The following COQ3 variants were observed in gnomAD, a reference collection of about 807,000 sequenced individuals.
The protein encoded by COQ3 is ubiquinone biosynthesis O-methyltransferase, mitochondrial.
Under a neutral mutation model 33.1 loss-of-function variants are expected in COQ3, and 29 were observed. That is an observed-to-expected ratio of 0.88 (90% CI 0.65 to 1.19). The LOEUF is 1.19. COQ3 is among the 50% of genes most tolerant of loss of function. COQ3 has a pLI of 0.00. For synonymous variants in COQ3, 173 were observed against 157.8 expected (o/e 1.10, Z -0.72); for missense variants, 437 against 430.7 (o/e 1.01, Z -0.13).
intron 1 of COQ3, among the ~76,000 whole-genome samples, chr6:99,388,732 G>A (rs1048150314): frequency 3.3e-5 from 5 of 151,544 alleles, no homozygotes; most frequent in Admixed American, 1.3e-4. Flanking sequence ...CCTGTAATAC[G>A]AGCTACTCAG....
chr6:99,389,283 C>T lies in COQ3; in HGVS notation c.106+4791G>A, dbSNP rs562294839. Among the ~76,000 whole-genome samples the T allele has an allele frequency of 5.3e-5, 8 of 152,140 alleles. No homozygotes were observed. The South Asian group carries it at 1.7e-3, about 32-fold the overall frequency. On this transcript the variant is annotated intron_variant, in intron 1 of 6. Coordinates refer to ENST00000254759, the MANE Select transcript of COQ3 (RefSeq NM_017421.4). ...ACTACAGGTGCACACGCCACCATGC[C>T]CGGCTAACTTTTTGTATTTTTAGTA...
intron 1 of COQ3, among the ~76,000 whole-genome samples, chr6:99,392,249 C>A (rs1774852086): frequency 6.6e-6 from 1 of 152,148 alleles, no homozygotes; most frequent in Admixed American, 6.5e-5. Context: ...AAACAGGTGA[C>A]AGACTTTTAC....
At chr6:99,387,481 A>G (rs977830411) in intron 1 of COQ3, among the ~76,000 whole-genome samples, 1 of 152,200 alleles carries the variant, frequency 6.6e-6, no homozygotes, top group South Asian at 2.1e-4. Flanking sequence ...AAAAACCAAA[A>G]CAAAACAAAT....
intron 1 of COQ3, 101 bp downstream of exon 1, chr6:99,393,973 C>T (rs888820814): frequency 1.1e-6 from 1 of 942,222 alleles, no homozygotes; most frequent in Non-Finnish European, 1.7e-6. Flanking sequence ...TGACCCCTCG[C>T]GAGGTCCAGA....
Position 99,393,990 on chromosome 6 carries a change from C to G in COQ3, c.106+84G>C, listed in dbSNP as rs552816982. The G allele has an allele frequency of 2.5e-6, 3 of 1,182,118 alleles. No individual in the cohort carries two copies. The East Asian group carries it at 7.1e-5, about 28-fold the overall frequency. 73.2% of individuals were successfully genotyped at this position (1,182,118 alleles called of 1,614,324 possible). On this transcript the variant is annotated intron_variant, in intron 1 of 6. Transcript: ENST00000254759. ...ACCCCTCGCGAGGTCCAGAGACAAC[C>G]CACCGCCCCACCCCCGGCGCATGCG...
At chr6:99,380,995 C>T (rs1266340372) in intron 2 of COQ3, among the ~76,000 whole-genome samples, 1 of 152,134 alleles carries the variant, frequency 6.6e-6, no homozygotes, top group Non-Finnish European at 1.5e-5. Flanking sequence ...ACATATATTA[C>T]CTCACTTAAT....
At chr6:99,375,550 A>T (rs983527324) in intron 5 of COQ3, among the ~76,000 whole-genome samples, 6 of 151,672 alleles carry the variant, frequency 4.0e-5, no homozygotes, top group African/African-American at 1.5e-4. Flanking sequence ...TGTCCAGCTA[A>T]TTTTTTCTAT....
chr6:99,391,808 G>A (rs1323118792), intron 1 of COQ3, among the ~76,000 whole-genome samples: 1 of 152,090 alleles, frequency 6.6e-6, no homozygotes, highest in African/African-American at 2.4e-5. Flanking sequence ...AGACCAGCCT[G>A]GACAATGTGG....
intron 1 of COQ3, 68 bp downstream of exon 1, chr6:99,394,006 G>A (rs1774903459): frequency 7.7e-7 from 1 of 1,294,144 alleles, no homozygotes; most frequent in Admixed American, 1.7e-5. Context: ...CCCCACCCCC[G>A]GCGCATGCGC....
chr6:99,374,711 T>C (rs1203757637), intron 5 of COQ3, among the ~76,000 whole-genome samples: 1 of 152,172 alleles, frequency 6.6e-6, no homozygotes. Context: ...TGGAGTCAAA[T>C]GGTCTGGCCT....
At position 99,383,807 on chromosome 6, in the gene COQ3, G is replaced by A. The variant is rs754883278; in HGVS notation, c.124C>T (p.Leu42Phe). 5.7e-6 allele frequency: 9 copies of A among 1,577,020 alleles called. No individual in the cohort carries two copies. Among genetic ancestry groups the A allele is most frequent in the Non-Finnish European group, 7.7e-6 (9 of 1,167,754 alleles). Reference protein sequence around the residue: ...ISSAVYVKNQLSGTLQIKPGV... With the variant: ...ISSAVYVKNQFSGTLQIKPGV... The stretch of plus-strand genomic sequence containing the variant: ...GGTTTAATCTGTAGAGTCCCACTGA[G>A]CTGGTTCTTCACATAAACTGAAAAA... The change falls in exon 2 of 7, where the codon CTC (leucine) becomes TTC (phenylalanine). Residue 42 changes from leucine (L) to phenylalanine (F), a missense_variant. Transcript: ENST00000254759.
intron 1 of COQ3, among the ~76,000 whole-genome samples, chr6:99,386,832 C>T (rs990948702): frequency 6.6e-6 from 1 of 152,078 alleles, no homozygotes; most frequent in Non-Finnish European, 1.5e-5. Context: ...CGGATGGCTT[C>T]GCTGGTGAAT....
intron 6 of COQ3, among the ~76,000 whole-genome samples, chr6:99,370,371 CAG>C (rs1774103657): frequency 2.4e-5 from 2 of 81,886 alleles, no homozygotes; most frequent in Non-Finnish European, 4.3e-5. Flanking sequence ...TTTTGTGAGA[CAG>C]AGTTTCACTC....
intron 1 of COQ3, among the ~76,000 whole-genome samples, chr6:99,385,487 C>T (rs755812501): frequency 1.4e-4 from 22 of 151,958 alleles, no homozygotes; most frequent in African/African-American, 2.7e-4. Context: ...AGAAAAATAA[C>T]GGTAAAAAGC....
chr6:99,369,487 C>A lies in COQ3; in HGVS notation c.*113G>T. On this transcript the variant is annotated 3_prime_UTR_variant, in exon 7 of 7. Coordinates refer to ENST00000254759, the MANE Select transcript of COQ3 (RefSeq NM_017421.4). The stretch of plus-strand genomic sequence containing the variant: ...AAAACTTTTGTCCAAGGTTTTAGCC[C>A]TTTTTATTGACCTTCTTTTCTTCAT... 1.1e-6 allele frequency: 1 copy of A among 886,636 alleles called. No individual in the cohort carries two copies. The highest frequency in any genetic ancestry group is 1.7e-6 in the Non-Finnish European group (1 of 579,212). The allele number at this position is 886,636 out of a possible 1,614,324, so 54.9% of individuals were successfully genotyped here.
chr6:99,393,964 G>A (rs1051874163), intron 1 of COQ3, 110 bp downstream of exon 1: 20 of 837,506 alleles, frequency 2.4e-5, no homozygotes, highest in Middle Eastern at 3.3e-4. Context: ...GTTTCGCGCT[G>A]ACCCCTCGCG....
At chr6:99,382,388 C>T (rs1413128036) in intron 2 of COQ3, among the ~76,000 whole-genome samples, 1 of 152,090 alleles carries the variant, frequency 6.6e-6, no homozygotes, top group Non-Finnish European at 1.5e-5. Context: ...ATGCCATTCA[C>T]ATTTTTATTA....
chr6:99,372,112 A>G (rs1332304438), intron 5 of COQ3, among the ~76,000 whole-genome samples: 1 of 152,182 alleles, frequency 6.6e-6, no homozygotes, highest in Non-Finnish European at 1.5e-5. Context: ...TATAAAAAAT[A>G]TAAAGAGTGG....
chr6:99,379,025 A>T (rs147557155), intron 3 of COQ3, among the ~76,000 whole-genome samples: 4,896 of 132,858 alleles, frequency 0.037, 107 homozygotes, highest in Middle Eastern at 0.12. Flanking sequence ...TTATTTTATT[A>T]TTATTATACT....
Sources: gnomAD v4.1 joint callset for allele counts (sites outside exome capture counted in the v4.1 genomes callset) on GRCh38, gnomAD v4.1.1 for gene constraint, MANE v1.5 for transcripts, NCBI Gene and HGNC (gene_info 2026-07-23, HGNC 2026-07-21) for gene names.